The following DIAPH2 variants were observed in gnomAD, a reference collection of about 807,000 sequenced individuals.
DIAPH2 encodes protein diaphanous homolog 2.
DIAPH2 carries 35 observed loss-of-function variants against 92.7 expected under a neutral mutation model. The ratio of observed to expected loss-of-function variants is 0.38; its 90% confidence interval spans 0.29 to 0.50. The LOEUF (loss-of-function observed/expected upper bound fraction) is 0.50. Among genes scored for constraint, DIAPH2 ranks in the 20% least tolerant of loss-of-function variants. The probability of loss-of-function intolerance (pLI) is 0.94; values close to 1 mark genes in which losing one functional copy is unlikely to be tolerated. For synonymous variants in DIAPH2, 301 were observed against 280.4 expected, an observed-to-expected ratio of 1.07 and a Z score of -0.73; for missense variants, 701 against 819.5, an observed-to-expected ratio of 0.86 and a Z score of 1.77.
chrX:96,833,171 C>G (rs1197234210), intron 4 of DIAPH2, among the ~76,000 whole-genome samples: 2 of 110,811 alleles, frequency 1.8e-5, no homozygotes, highest in Admixed American at 9.7e-5. Flanking sequence ...TATGGAGGCA[C>G]AGATTTAGCT....
chrX:97,122,394 A>G (rs1158269640), intron 21 of DIAPH2, among the ~76,000 whole-genome samples: 2 of 111,498 alleles, frequency 1.8e-5, no homozygotes, highest in Non-Finnish European at 3.8e-5. Flanking sequence ...AGAGTATTTT[A>G]GTTTTGTGTA....
intron 22 of DIAPH2, among the ~76,000 whole-genome samples, chrX:97,155,417 C>T (rs2067315313): frequency 9.1e-6 from 1 of 109,594 alleles, no homozygotes; most frequent in South Asian, 4.0e-4. Context: ...AGGAGAATCA[C>T]TTGAACCCGG....
chrX:97,342,273 A>G (rs1319826719), intron 23 of DIAPH2, among the ~76,000 whole-genome samples: 4 of 112,225 alleles, frequency 3.6e-5, no homozygotes, highest in Non-Finnish European at 7.5e-5. Context: ...TAAGTACTCA[A>G]GTCAGCCCAT....
At chrX:96,787,411 A>C (rs951377477) in intron 4 of DIAPH2, among the ~76,000 whole-genome samples, 18 of 111,068 alleles carry the variant, frequency 1.6e-4, no homozygotes, top group African/African-American at 5.9e-4. Flanking sequence ...TTTTAAGGTA[A>C]AGAGGTTTAA....
chrX:97,340,993 T>C, intron 23 of DIAPH2: 1 of 104,255 alleles, frequency 9.6e-6, no homozygotes, highest in East Asian at 3.0e-4. Context: ...TAAGTTTTTT[T>C]TTTTTTTTTT....
chrX:96,813,254 T>G (rs929255693), intron 4 of DIAPH2, among the ~76,000 whole-genome samples: 1 of 110,950 alleles, frequency 9.0e-6, no homozygotes, highest in African/African-American at 3.3e-5. Flanking sequence ...CTTGTTGAAT[T>G]GATCCCTTTA....
intron 23 of DIAPH2, among the ~76,000 whole-genome samples, chrX:97,337,379 T>C (rs183518063): frequency 6.0e-4 from 67 of 111,310 alleles, no homozygotes; most frequent in Non-Finnish European, 1.1e-3. Flanking sequence ...GAGGGACCCA[T>C]TGGGAAGTGA....
chrX:97,584,656 G>A (rs1719757935), intron 26 of DIAPH2, among the ~76,000 whole-genome samples: 1 of 111,386 alleles, frequency 9.0e-6, no homozygotes, highest in African/African-American at 3.3e-5. Context: ...GAAAATTTTG[G>A]TAGAGAGCAA....
At chrX:97,328,435 A>AAAAC (rs543823929) in intron 23 of DIAPH2, among the ~76,000 whole-genome samples, 14 of 111,363 alleles carry the variant, frequency 1.3e-4, no homozygotes, top group Non-Finnish European at 2.6e-4. Flanking sequence ...TCTGTATCAA[A>AAAAC]AAACAAACAA....
chrX:97,126,789 GAA>G (rs936707999), intron 21 of DIAPH2, among the ~76,000 whole-genome samples: 1 of 112,404 alleles, frequency 8.9e-6, no homozygotes, highest in Non-Finnish European at 1.9e-5. Context: ...GGAAAGGAAG[GAA>G]AAAACAATTC....
At chrX:96,735,376 G>T (rs1009104840) in intron 1 of DIAPH2, among the ~76,000 whole-genome samples, 1 of 111,016 alleles carries the variant, frequency 9.0e-6, no homozygotes, top group African/African-American at 3.3e-5. Context: ...CCTATTGTAC[G>T]TGGTGTTGTT....
At chrX:96,886,911 CT>C (rs55653485) in intron 5 of DIAPH2, among the ~76,000 whole-genome samples, 5 of 103,955 alleles carry the variant, frequency 4.8e-5, no homozygotes, top group Non-Finnish European at 9.8e-5. Flanking sequence ...GAAAAAAACT[CT>C]TTTTTTTTTG....
At chrX:96,954,325 ATATATTTATC>A (rs1412126489) in intron 15 of DIAPH2, 1 of 112,510 alleles carries the variant, frequency 8.9e-6, no homozygotes, top group Non-Finnish European at 1.9e-5. Context: ...TACTTTTCAT[ATATATTTATC>A]TAGCAAAGTG....
intron 22 of DIAPH2, among the ~76,000 whole-genome samples, chrX:97,160,092 G>T (rs2067356497): frequency 9.7e-6 from 1 of 103,007 alleles, no homozygotes; most frequent in Non-Finnish European, 2.0e-5. Context: ...ATTCATAAAA[G>T]ACGGGGGCGG....
chrX:96,916,396 C>T, intron 7 of DIAPH2, 42 bp from the exon 8 acceptor site: 1 of 1,089,399 alleles, frequency 9.2e-7, no homozygotes, highest in Non-Finnish European at 1.2e-6. Context: ...AAGATATATT[C>T]CATAGACATT....
chrX:96,933,358 C>G (rs1354411498), intron 10 of DIAPH2, among the ~76,000 whole-genome samples: 1 of 106,101 alleles, frequency 9.4e-6, no homozygotes. Context: ...GAGACAGGGT[C>G]TTGCTCTGTC....
chrX:97,139,399 G>C (rs1414833492), intron 21 of DIAPH2, among the ~76,000 whole-genome samples: 1 of 106,899 alleles, frequency 9.4e-6, no homozygotes, highest in African/African-American at 3.4e-5. Flanking sequence ...CCACCCATTT[G>C]TCGTGATTTC....
chrX:96,956,613 C>A (rs2065812073), intron 15 of DIAPH2, among the ~76,000 whole-genome samples: 1 of 112,116 alleles, frequency 8.9e-6, no homozygotes, highest in Non-Finnish European at 1.9e-5. Context: ...TAAATCATCT[C>A]TCTCAAGTTC....
chrX:97,001,677 A>G (rs984003875), intron 17 of DIAPH2, among the ~76,000 whole-genome samples: 5 of 111,275 alleles, frequency 4.5e-5, no homozygotes, highest in Non-Finnish European at 3.8e-5. Flanking sequence ...AAAACAATAA[A>G]ACACAAAGCC....
Sources: gnomAD v4.1 joint callset for allele counts (sites outside exome capture counted in the v4.1 genomes callset) on GRCh38, gnomAD v4.1.1 for gene constraint, MANE v1.5 for transcripts, NCBI Gene and HGNC (gene_info 2026-07-23, HGNC 2026-07-21) for gene names.